The following AREL1 variants were observed in gnomAD, a reference collection of about 807,000 sequenced individuals.
AREL1 encodes the protein apoptosis-resistant E3 ubiquitin protein ligase 1.
Under a neutral mutation model 99.0 loss-of-function variants are expected in AREL1, and 62 were observed. That is an observed-to-expected ratio of 0.63 (90% CI 0.51 to 0.77). The LOEUF (loss-of-function observed/expected upper bound fraction) is 0.77. Ranked by LOEUF, AREL1 falls within the 30% of genes least tolerant of loss-of-function variation. The pLI is 0.00. For synonymous variants in AREL1, 380 were observed against 376.5 expected, an observed-to-expected ratio of 1.01 and a Z score of -0.11; for missense variants, 879 against 1,027.6, an observed-to-expected ratio of 0.86 and a Z score of 1.98.
chr14:74,662,160 G>T lies in AREL1; in HGVS notation c.*1560C>A, dbSNP rs2089096980. 6.4e-6 allele frequency: 1 copy of T among 157,318 alleles called. No individual in the cohort carries two copies. The highest frequency in any genetic ancestry group is 2.4e-5 in the African/African-American group (1 of 41,668). The allele number at this position is 157,318 out of a possible 1,614,324, so 9.7% of individuals were successfully genotyped here. ...GGATGAGTGAGGTCAGCACCCATGT[G>T]CCAAGAAAGGACAAATGATGACTGC... On this transcript the variant is annotated 3_prime_UTR_variant, in exon 20 of 20. Coordinates refer to ENST00000356357, the MANE Select transcript of AREL1 (RefSeq NM_001039479.2).
Position 74,661,429 on chromosome 14 carries a change from C to T in AREL1, c.*2291G>A, listed in dbSNP as rs554673196. On this transcript the variant is annotated 3_prime_UTR_variant, in exon 20 of 20. Transcript: ENST00000356357. Reference sequence around the variant, plus strand: ...ACTCATGTCTGGTCTCCTTCAAAGACGCTAAAAGGCCAGAAGGGTAGCTGG... The same window carrying T: ...ACTCATGTCTGGTCTCCTTCAAAGATGCTAAAAGGCCAGAAGGGTAGCTGG... The T allele has an allele frequency of 9.4e-5, 38 of 405,008 alleles. No individual in the cohort carries two copies. Among genetic ancestry groups the T allele is most frequent in the Admixed American group, 3.8e-4 (13 of 34,508 alleles). The allele number at this position is 405,008 out of a possible 1,614,324, so 25.1% of individuals were successfully genotyped here.
At position 74,664,887 on chromosome 14, in the gene AREL1, G is replaced by A. The variant is rs2089177994; in HGVS notation, c.2142C>T (p.Asp714=). 3.1e-6 allele frequency: 5 copies of A among 1,613,878 alleles called. No homozygotes were observed. Among genetic ancestry groups the A allele is most frequent in the Non-Finnish European group, 3.4e-6 (4 of 1,179,854 alleles). Residue 714 remains aspartate (D), a synonymous_variant, in exon 18 of 20, where the codon GAC becomes GAT. Coordinates refer to ENST00000356357, the MANE Select transcript of AREL1 (RefSeq NM_001039479.2). ...CAACAACTACTGCATGGGCTTTGAA[G>A]TCAGACACACTGATGTCTCCAGTCC... ...MCGTGDISVS[D]FKAHAVVVGG... is the part of the protein sequence containing the mutation.
At position 74,697,882 on chromosome 14, in the gene AREL1, A is replaced by G. The variant is rs535389344; in HGVS notation, c.-333-5554T>C. Among the ~76,000 whole-genome samples the G allele has an allele frequency of 1.4e-3, 215 of 152,284 alleles. 3 individuals are homozygous for G. The highest frequency in any genetic ancestry group is 0.01 in the Middle Eastern group (3 of 294). ...GCCGTATTAGACTGTACCTCATTCT[A>G]TAACTCCCAGATTTGGACACTGGGG... On this transcript the variant is annotated intron_variant, in intron 1 of 19. Coordinates refer to ENST00000356357, the MANE Select transcript of AREL1 (RefSeq NM_001039479.2).
In AREL1 at chr14:74,662,196, G is replaced by C. The variant is rs991316783; in HGVS notation, c.*1524C>G. On this transcript the variant is annotated 3_prime_UTR_variant, in exon 20 of 20. Transcript: ENST00000356357. ...ACAAATGATGACTGCGAAAGACTGAGGTCAGGCAGGAACTGTAGCAGCTCA... is the reference window on the plus strand; with the variant it reads ...ACAAATGATGACTGCGAAAGACTGACGTCAGGCAGGAACTGTAGCAGCTCA... 16 of 177,066 alleles carry C rather than the reference G, an allele frequency of 9.0e-5. No homozygotes were observed. In the South Asian group the frequency reaches 1.4e-3, roughly 15 times the overall value. 11.0% of individuals were successfully genotyped at this position (177,066 alleles called of 1,614,324 possible).
intron 15 of AREL1, 69 bp downstream of exon 15, chr14:74,669,580 C>A: frequency 6.5e-7 from 1 of 1,550,250 alleles, no homozygotes; most frequent in South Asian, 1.2e-5. Context: ...GCAGAAAGTT[C>A]TCTTAGACAG....
intron 1 of AREL1, among the ~76,000 whole-genome samples, chr14:74,694,170 G>A (rs913260297): frequency 2.8e-5 from 4 of 144,562 alleles, no homozygotes; most frequent in Non-Finnish European, 6.0e-5. Flanking sequence ...GCCAGACCCA[G>A]TCTCAAAATA....
intron 8 of AREL1, 51 bp downstream of exon 8, chr14:74,675,648 T>C (rs2089453036): frequency 6.3e-7 from 1 of 1,585,074 alleles, no homozygotes; most frequent in Non-Finnish European, 8.6e-7. Context: ...AAATACCAAT[T>C]ACACACAGGT....
At chr14:74,676,511 A>T in intron 6 of AREL1, 72 bp downstream of exon 6, 1 of 1,521,808 alleles carries the variant, frequency 6.6e-7, no homozygotes, top group Non-Finnish European at 8.9e-7. Context: ...ATCGAAGTGA[A>T]TTAGGTGTGA....
At chr14:74,692,928 T>C (rs2089913053) in intron 1 of AREL1, among the ~76,000 whole-genome samples, 1 of 152,112 alleles carries the variant, frequency 6.6e-6, no homozygotes, top group South Asian at 2.1e-4. Flanking sequence ...AGGCTAGTCT[T>C]GAACTCCTAA....
rs1364722313 is a variant in AREL1 at position 74,669,718 on chromosome 14, G to T, written c.1845C>A (p.Asn615Lys). 2 of 1,614,128 alleles carry T rather than the reference G, an allele frequency of 1.2e-6. No homozygotes were observed. The highest frequency in any genetic ancestry group is 1.1e-5 in the South Asian group (1 of 91,080). The change falls in exon 15 of 20, where the codon AAC becomes AAA. Residue 615 changes from asparagine to lysine, a missense_variant. Physicochemically the swap from Asn to Lys is moderately conservative, Grantham distance 94. Coordinates refer to ENST00000356357, the MANE Select transcript of AREL1 (RefSeq NM_001039479.2). ...FYKSKVCFIL[N>K]NDMSEMELVF... ...CCAGCTCCATCTCACTCATGTCATT[G>T]TTGAGGATAAAACAAACTTTAGATT...
chr14:74,672,768 C>A, intron 11 of AREL1, 63 bp downstream of exon 11: 17 of 1,604,596 alleles, frequency 1.1e-5, no homozygotes, highest in Non-Finnish European at 1.0e-5. Flanking sequence ...CAGTAACCTG[C>A]AGAATATAGA....
Position 74,663,676 on chromosome 14 carries a change from A to C in AREL1, c.*44T>G. Reference sequence around the variant, plus strand: ...TATGATGTCTGTAACTTGCGCCCAGAAGCTCCAGAGAGCATGGGAGCCAAC... The same window carrying C: ...TATGATGTCTGTAACTTGCGCCCAGCAGCTCCAGAGAGCATGGGAGCCAAC... On this transcript the variant is annotated 3_prime_UTR_variant, in exon 20 of 20. Coordinates refer to ENST00000356357, the MANE Select transcript of AREL1 (RefSeq NM_001039479.2). The C allele has an allele frequency of 6.4e-7, 1 of 1,574,226 alleles. No homozygotes were observed. Among genetic ancestry groups the C allele is most frequent in the Non-Finnish European group, 8.7e-7 (1 of 1,145,070 alleles).
intron 1 of AREL1, among the ~76,000 whole-genome samples, chr14:74,692,696 G>GT (rs2089907419): frequency 6.6e-6 from 1 of 151,954 alleles, no homozygotes; most frequent in African/African-American, 2.4e-5. Flanking sequence ...ATTAGACACA[G>GT]TTTTTTTGTT....
chr14:74,682,436 G>A (rs73301915), intron 5 of AREL1, among the ~76,000 whole-genome samples: 2,302 of 152,304 alleles, frequency 0.015, 57 homozygotes, highest in African/African-American at 0.053. Flanking sequence ...AATGTTCACA[G>A]TAGTGTTGCT....
At chr14:74,688,304 C>G (rs913368546) in intron 2 of AREL1, among the ~76,000 whole-genome samples, 6 of 152,000 alleles carry the variant, frequency 3.9e-5, no homozygotes, top group African/African-American at 1.5e-4. Context: ...GGATTACAGG[C>G]GTGAGCCACC....
intron 5 of AREL1, among the ~76,000 whole-genome samples, chr14:74,680,295 C>G (rs1189173178): frequency 2.0e-5 from 3 of 152,072 alleles, no homozygotes; most frequent in African/African-American, 7.2e-5. Flanking sequence ...CAGACAGGCA[C>G]ATGAAAAGAT....
chr14:74,708,939 A>G (rs1022204820), intron 1 of AREL1, among the ~76,000 whole-genome samples: 3 of 152,254 alleles, frequency 2.0e-5, no homozygotes, highest in Non-Finnish European at 2.9e-5. Context: ...CTGTAACACC[A>G]TATCAACAGC....
intron 5 of AREL1, among the ~76,000 whole-genome samples, chr14:74,681,713 T>G (rs1024183361): frequency 6.9e-6 from 1 of 144,312 alleles, no homozygotes; most frequent in African/African-American, 2.6e-5. Context: ...GAGGTTGCAG[T>G]GAGCCAAGAT....
At chr14:74,710,772 A>G (rs2090265883) in intron 1 of AREL1, among the ~76,000 whole-genome samples, 1 of 152,234 alleles carries the variant, frequency 6.6e-6, no homozygotes, top group Non-Finnish European at 1.5e-5. Context: ...TAAACTATTA[A>G]GCCATCTAAA....
Sources: allele counts gnomAD v4.1 joint callset (sites outside exome capture counted in the v4.1 genomes callset), GRCh38; gene constraint gnomAD v4.1.1; transcripts MANE v1.5; gene names NCBI Gene and HGNC (gene_info 2026-07-23, HGNC 2026-07-21).